VPS13C: variants seen among roughly 807,000 people sequenced by gnomAD.
VPS13C encodes the protein intermembrane lipid transfer protein VPS13C.
In VPS13C, 358 loss-of-function variants were observed where a neutral mutation model predicts 456.8. The ratio of observed to expected loss-of-function variants is 0.78; its 90% CI spans 0.72 to 0.86. The LOEUF (loss-of-function observed/expected upper bound fraction) is 0.86, where lower values mean the gene tolerates loss of function less well. Among genes scored for constraint, VPS13C ranks in the 40% least tolerant of loss-of-function variants. The probability of loss-of-function intolerance (pLI) is 0.00; values close to 1 mark genes in which losing one functional copy is unlikely to be tolerated. For missense variants in VPS13C, 4,818 were observed against 4,385.4 expected (o/e 1.10, Z -2.79); for synonymous variants, 1,578 against 1,486.7 (o/e 1.06, Z -1.41).
chr15:62,020,328 A>G (rs1193044751), intron 9 of VPS13C, 151 bp downstream of exon 9: 3 of 529,450 alleles, frequency 5.7e-6, no homozygotes, highest in South Asian at 1.1e-4. Flanking sequence ...ATCACTAAAA[A>G]TGTTAAACTT....
At chr15:61,871,274 T>C (rs1362826198) in intron 79 of VPS13C, among the ~76,000 whole-genome samples, 1 of 152,186 alleles carries the variant, frequency 6.6e-6, no homozygotes, top group African/African-American at 2.4e-5. Flanking sequence ...CATTTTTATA[T>C]ATGGTACAGG....
intron 51 of VPS13C, among the ~76,000 whole-genome samples, chr15:61,927,697 C>T (rs1007664753): frequency 3.9e-5 from 6 of 152,244 alleles, no homozygotes; most frequent in African/African-American, 1.4e-4. Flanking sequence ...TTACTGGGTA[C>T]ATACCCAAAG....
intron 51 of VPS13C, 71 bp downstream of exon 51, chr15:61,929,428 TTC>T (rs2043978326): frequency 6.6e-7 from 1 of 1,520,760 alleles, no homozygotes; most frequent in East Asian, 2.3e-5. Flanking sequence ...AATTTTTCAT[TTC>T]TCTTTTTTCT....
Position 62,023,652 on chromosome 15 carries a change from A to G in VPS13C, c.514+128T>C. On this transcript the variant is annotated intron_variant, in intron 7 of 84. Coordinates refer to ENST00000644861, the MANE Select transcript of VPS13C (RefSeq NM_020821.3). The stretch of plus-strand genomic sequence containing the variant: ...ATAGTGTCTTTATTTATATTTTAAT[A>G]TGCATTTCCAACTTAAAACTTGTTT... 2.7e-6 allele frequency: 3 copies of G among 1,108,056 alleles called. No individual in the cohort carries two copies. The East Asian group carries it at 7.5e-5, about 28-fold the overall frequency. The allele number at this position is 1,108,056 out of a possible 1,614,324, so 68.6% of individuals were successfully genotyped here. A position where few individuals can be genotyped will look rare whatever the true frequency, so the allele number is the denominator to read the frequency against.
At chr15:61,934,024 T>TA (rs1404212333) in intron 49 of VPS13C, among the ~76,000 whole-genome samples, 195 bp downstream of exon 49, 8 of 152,098 alleles carry the variant, frequency 5.3e-5, no homozygotes, top group Admixed American at 1.3e-4. Context: ...TACTTTGCCT[T>TA]AGCCTTGGAA....
At chr15:61,910,951 A>G (rs899067756) in intron 63 of VPS13C, among the ~76,000 whole-genome samples, 4 of 152,172 alleles carry the variant, frequency 2.6e-5, no homozygotes, top group African/African-American at 9.7e-5. Flanking sequence ...AAAAATAAGC[A>G]CTTACTTGTT....
chr15:61,979,591 T>C (rs956604672), intron 22 of VPS13C, among the ~76,000 whole-genome samples: 2 of 152,232 alleles, frequency 1.3e-5, no homozygotes, highest in Non-Finnish European at 2.9e-5. Flanking sequence ...ATTTTGAAGA[T>C]GAAGCCCACA....
In VPS13C at chr15:61,937,589, C is replaced by G. The variant is rs189784982; in HGVS notation, c.5602-839G>C. Among the ~76,000 whole-genome samples the G allele has an allele frequency of 8.5e-5, 13 of 152,314 alleles. No individual in the cohort carries two copies. The East Asian group carries it at 2.3e-3, about 27-fold the overall frequency. ...TCCCAGGTTCACGCCATTCTCCTGC[C>G]TCAACCTCGTGAGTAGCTAGAACTA... is the stretch of plus-strand genomic sequence containing the variant. On this transcript the variant is annotated intron_variant, in intron 47 of 84. Transcript: ENST00000644861.
At chr15:62,055,534 C>T (rs1258943395) in intron 1 of VPS13C, among the ~76,000 whole-genome samples, 1 of 151,746 alleles carries the variant, frequency 6.6e-6, no homozygotes, top group African/African-American at 2.4e-5. Context: ...AGCCACGGTG[C>T]CTGGCCTCTC....
intron 74 of VPS13C, among the ~76,000 whole-genome samples, chr15:61,877,764 G>A (rs1032551486): frequency 6.6e-6 from 1 of 151,694 alleles, no homozygotes; most frequent in African/African-American, 2.4e-5. Context: ...AAATAGAATC[G>A]CTCATATTTT....
At chr15:62,033,770 G>A (rs1473667642) in intron 4 of VPS13C, among the ~76,000 whole-genome samples, 1 of 151,578 alleles carries the variant, frequency 6.6e-6, no homozygotes, top group Non-Finnish European at 1.5e-5. Flanking sequence ...CAGGTAGAAA[G>A]GCAGGTAGGA....
chr15:62,026,598 G>GT (rs2047649576), intron 6 of VPS13C, among the ~76,000 whole-genome samples: 1 of 151,996 alleles, frequency 6.6e-6, no homozygotes, highest in Non-Finnish European at 1.5e-5. Context: ...GATAGTCTGT[G>GT]ATTCTTCCCA....
At chr15:61,871,489 C>T (rs189409104) in intron 79 of VPS13C, among the ~76,000 whole-genome samples, 2 of 152,188 alleles carry the variant, frequency 1.3e-5, no homozygotes, top group Admixed American at 1.3e-4. Flanking sequence ...GTTAGTACTA[C>T]ACTGTCTTAG....
rs987520889 is a variant in VPS13C, at chr15:62,031,475, C to T, written c.385+1966G>A. On this transcript the variant is annotated intron_variant, in intron 5 of 84. Transcript: ENST00000644861. Reference sequence around the variant, plus strand: ...ATTATTTGAAGATGTGACTCATATCCACAGAAATGAGAAAAGAATACTGCA... The same window carrying T: ...ATTATTTGAAGATGTGACTCATATCTACAGAAATGAGAAAAGAATACTGCA... Among the ~76,000 whole-genome samples the T allele has an allele frequency of 2.0e-5, 3 of 151,780 alleles. No homozygotes were observed. In the South Asian group the frequency reaches 6.2e-4, roughly 32 times the overall value.
In VPS13C at chr15:61,854,905, C is replaced by A. The variant is rs182054663; in HGVS notation, c.11126G>T (p.Arg3709Leu). ...GGCGGTGTCCTTCAGGTAAACTTTT[C>A]GAACACAGCCTTGATTGGCACTGTC... ...KKDSANQGCV[R>L]KVYLKDTATA... The change falls in exon 84 of 85, where the codon CGA becomes CTA. Residue 3709 changes from arginine to leucine, a missense_variant. Arg to Leu is a moderately radical substitution (Grantham distance 102). Around this residue, in one of 3 missense-constraint regions of VPS13C, gnomAD observed 261 missense variants for 234.1 expected, o/e 1.11. Transcript: ENST00000644861. 7 of 1,613,252 alleles carry A rather than the reference C, an allele frequency of 4.3e-6. No homozygotes were observed. In the African/African-American group the frequency reaches 8.0e-5, roughly 18 times the overall value.
rs1258231454 is a variant in VPS13C at position 61,915,628 on chromosome 15, C to T, written c.8445+5G>A. 6.3e-7 allele frequency: 1 copy of T among 1,575,662 alleles called. No homozygotes were observed. Among genetic ancestry groups the T allele is most frequent in the Non-Finnish European group, 8.6e-7 (1 of 1,165,998 alleles). ...CTTTAACTTATTATGTGAACAAAAC[C>T]ACACCTTATTTTTAGTAAAAATGTT... On this transcript the variant is annotated splice_donor_5th_base_variant and intron_variant, in intron 61 of 84. Transcript: ENST00000644861.
chr15:61,935,563 A>T (rs1272569191), intron 48 of VPS13C: 1 of 152,228 alleles, frequency 6.6e-6, no homozygotes, highest in Non-Finnish European at 1.5e-5. Context: ...ATCATTAATC[A>T]CATAAGGCTT....
chr15:61,973,507 C>A lies in VPS13C; in HGVS notation c.2564G>T (p.Gly855Val), dbSNP rs199880322. 118 of 1,612,408 alleles carry A rather than the reference C, an allele frequency of 7.3e-5. 1 individual carries two copies. The Admixed American group carries it at 1.9e-3, about 26-fold the overall frequency. The change falls in exon 26 of 85, where the codon GGT (glycine) becomes GTT (valine). Residue 855 changes from glycine (G) to valine (V), a missense_variant. This residue lies in a region of VPS13C where 4,552 missense variants were observed against 4,130.6 expected (regional missense o/e 1.10). Coordinates refer to ENST00000644861, the MANE Select transcript of VPS13C (RefSeq NM_020821.3). ...RQVSSIPIIS[G>V]GTKGLLGTSL... is the part of the protein sequence containing the mutation. ...AGTACCAAGTAGACCTTTTGTACCACCTGAAATAATAGGAATTGAGGATAC... is the reference window on the plus strand; with the variant it reads ...AGTACCAAGTAGACCTTTTGTACCAACTGAAATAATAGGAATTGAGGATAC...
intron 68 of VPS13C, among the ~76,000 whole-genome samples, chr15:61,883,438 A>C (rs1896026877): frequency 6.6e-6 from 1 of 152,092 alleles, no homozygotes; most frequent in Non-Finnish European, 1.5e-5. Context: ...GTATGGCCAA[A>C]ATTGGTGGGG....
Sources: gnomAD v4.1 joint callset for allele counts (sites outside exome capture counted in the v4.1 genomes callset) on GRCh38, gnomAD v4.1.1 for gene constraint, gnomAD v4.1.1 regional missense constraint, MANE v1.5 for transcripts, NCBI Gene and HGNC (gene_info 2026-07-23, HGNC 2026-07-21) for gene names.